Variants in KDM2A observed in about 807,000 individuals in gnomAD.
The protein encoded by KDM2A is lysine demethylase 2A.
KDM2A carries 3 observed loss-of-function variants against 137.3 expected under a neutral mutation model. The observed-to-expected ratio is 0.02, with a 90% confidence interval of 0.01 to 0.06. KDM2A has a LOEUF of 0.06. Among genes scored for constraint, KDM2A ranks in the 10% least tolerant of loss-of-function variants. KDM2A has a pLI of 1.00. For missense variants in KDM2A, 738 were observed against 1,510.6 expected (o/e 0.49, Z 8.48); for synonymous variants, 512 against 541.5 (o/e 0.95, Z 0.76).
chr11:67,214,787 G>A (rs1373802863), intron 6 of KDM2A, among the ~76,000 whole-genome samples: 1 of 152,184 alleles, frequency 6.6e-6, no homozygotes, highest in African/African-American at 2.4e-5. Flanking sequence ...TAGTTTTATA[G>A]ATGAGTTTGA....
At position 67,200,463 on chromosome 11, in the gene KDM2A, C is replaced by T. The variant is rs975762388; in HGVS notation, c.308-7047C>T. On this transcript the variant is annotated intron_variant, in intron 5 of 20. Transcript: ENST00000529006. ...CGATCTCCTCACCTCATGATCCGCCCGCCTCAGCCTCCCAAAGTGCTGGGA... is the reference window on the plus strand; with the variant it reads ...CGATCTCCTCACCTCATGATCCGCCTGCCTCAGCCTCCCAAAGTGCTGGGA... Among the ~76,000 whole-genome samples the T allele has an allele frequency of 6.6e-5, 10 of 152,128 alleles. No homozygotes were observed. The East Asian group carries it at 9.6e-4, about 15-fold the overall frequency.
At position 67,250,595 on chromosome 11, in the gene KDM2A, AGAGGAGGAGGAAGAGGAGGAG is replaced by A. The variant is rs1203766871; in HGVS notation, c.2580_2600del (p.Glu860_Glu866del). 2.5e-6 allele frequency: 4 copies of A among 1,611,238 alleles called. No homozygotes were observed. In the Admixed American group the frequency reaches 5.0e-5, roughly 20 times the overall value. On this transcript the variant is annotated inframe_deletion, in exon 17 of 21. Transcript: ENST00000529006. This position sits in a 1 kb window ranked among gnomAD's most constrained non-coding sequence, Gnocchi z 7.1. ...GTGGGGATGAGGAGGGGCTGGGGGG[AGAGGAGGAGGAAGAGGAGGAG>A]GAGGAGGAGGAAGATGACAGTGCAG...
At chr11:67,180,044 G>A (rs763966432) in intron 2 of KDM2A, 35 bp from the exon 3 acceptor site, 2 of 1,588,652 alleles carry the variant, frequency 1.3e-6, no homozygotes, top group South Asian at 2.3e-5. Flanking sequence ...ATGAAAAAGT[G>A]CATGATTTCA....
chr11:67,215,175 GC>G (rs1185038759), intron 6 of KDM2A, among the ~76,000 whole-genome samples, 164 bp from the exon 7 acceptor site: 1 of 152,092 alleles, frequency 6.6e-6, no homozygotes, highest in Admixed American at 6.6e-5. Flanking sequence ...TAGGATGGTT[GC>G]CTAGTAATCC....
At position 67,191,590 on chromosome 11, in the gene KDM2A, T is replaced by G. The variant is rs542087964; in HGVS notation, c.307+9698T>G. On this transcript the variant is annotated intron_variant, in intron 5 of 20. Transcript: ENST00000529006. ...ATTAACAGTGAAGGAGGAAAAAAGT[T>G]ACATGATCATCTCAATTGACACAGA... Among the ~76,000 whole-genome samples, 4 of 152,324 alleles carry G rather than the reference T, an allele frequency of 2.6e-5. 1 individual carries two copies. In the South Asian group the frequency reaches 8.3e-4, roughly 32 times the overall value.
chr11:67,224,362 T>TTTTGGGAG (rs1858463281), intron 10 of KDM2A, among the ~76,000 whole-genome samples: 1 of 152,078 alleles, frequency 6.6e-6, no homozygotes, highest in Non-Finnish European at 1.5e-5. Flanking sequence ...CCCAAGTACT[T>TTTTGGGAG]TTTGGGAGTT....
At chr11:67,182,535 T>C (rs1857113398) in intron 5 of KDM2A, among the ~76,000 whole-genome samples, 2 of 148,194 alleles carry the variant, frequency 1.3e-5, no homozygotes, top group Non-Finnish European at 3.0e-5. Context: ...TAAGTCTTTT[T>C]TTTTTTTTTT....
At chr11:67,199,759 A>G (rs1157225281) in intron 5 of KDM2A, among the ~76,000 whole-genome samples, 1 of 152,258 alleles carries the variant, frequency 6.6e-6, no homozygotes, top group Non-Finnish European at 1.5e-5. Context: ...GTTATCCAGG[A>G]GAACCAGCTA....
chr11:67,203,196 T>C (rs1857692233), intron 5 of KDM2A, among the ~76,000 whole-genome samples: 1 of 152,044 alleles, frequency 6.6e-6, no homozygotes, highest in Non-Finnish European at 1.5e-5. Flanking sequence ...AGCAATAAAG[T>C]ATTTTTAAAT....
At chr11:67,244,156 G>A (rs1243392325) in intron 13 of KDM2A, among the ~76,000 whole-genome samples, 1 of 152,178 alleles carries the variant, frequency 6.6e-6, no homozygotes, top group Admixed American at 6.5e-5. Flanking sequence ...TTGGCCACAG[G>A]TGACTGCCTT....
chr11:67,245,923 G>C lies in KDM2A; in HGVS notation c.1834-62G>C, dbSNP rs1051490528. The C allele has an allele frequency of 5.1e-6, 8 of 1,583,494 alleles. No homozygotes were observed. Among genetic ancestry groups the C allele is most frequent in the Admixed American group, 3.4e-5 (2 of 58,870 alleles). On this transcript the variant is annotated intron_variant, in intron 14 of 20. Coordinates refer to ENST00000529006, the MANE Select transcript of KDM2A (RefSeq NM_012308.3). This position sits in a 1 kb window ranked among gnomAD's most constrained non-coding sequence, Gnocchi z 4.1. ...CCAAATCTCCCATCTTCAGTTTAAG[G>C]GAAACTGAAATGATAAAGATCTGAG...
chr11:67,138,620 A>T (rs1308691615), intron 2 of KDM2A, among the ~76,000 whole-genome samples: 1 of 152,188 alleles, frequency 6.6e-6, no homozygotes, highest in Non-Finnish European at 1.5e-5. Flanking sequence ...ATGTCTACCA[A>T]AAACACAAAA....
chr11:67,125,649 C>T (rs1197208594), intron 2 of KDM2A, among the ~76,000 whole-genome samples: 2 of 151,492 alleles, frequency 1.3e-5, no homozygotes, highest in Non-Finnish European at 1.5e-5. Flanking sequence ...GGTGGTGGTG[C>T]GTGCCTGTAA....
At chr11:67,188,790 CAAAAA>C (rs1207477143) in intron 5 of KDM2A, among the ~76,000 whole-genome samples, 1 of 73,786 alleles carries the variant, frequency 1.4e-5, no homozygotes, top group Non-Finnish European at 3.1e-5. Context: ...GACACTGTCT[CAAAAA>C]AAAAAAAAAA....
intron 5 of KDM2A, among the ~76,000 whole-genome samples, chr11:67,184,666 C>T (rs1276229887): frequency 6.6e-6 from 1 of 152,052 alleles, no homozygotes; most frequent in Non-Finnish European, 1.5e-5. Context: ...CCACACCCAC[C>T]CCCATTTTAG....
intron 2 of KDM2A, among the ~76,000 whole-genome samples, chr11:67,150,331 T>C (rs1856356973): frequency 6.6e-6 from 1 of 152,190 alleles, no homozygotes; most frequent in Non-Finnish European, 1.5e-5. Flanking sequence ...TTTTCTTTTC[T>C]CAAAAATGTG....
chr11:67,151,648 G>A (rs1378393476), intron 2 of KDM2A, among the ~76,000 whole-genome samples: 3 of 152,072 alleles, frequency 2.0e-5, no homozygotes, highest in Admixed American at 6.6e-5. Context: ...CACTGGACCC[G>A]GCCTCAAATC....
At chr11:67,240,384 C>T in intron 12 of KDM2A, 1 of 1,532,184 alleles carries the variant, frequency 6.5e-7, no homozygotes, top group African/African-American at 1.4e-5. Flanking sequence ...GGGGGTCGAT[C>T]GGCAAACCCT....
At chr11:67,179,522 C>T (rs890590342) in intron 2 of KDM2A, among the ~76,000 whole-genome samples, 1 of 152,172 alleles carries the variant, frequency 6.6e-6, no homozygotes, top group Non-Finnish European at 1.5e-5. Flanking sequence ...TCAGGTGATC[C>T]GCCTGCCTCT....
Sources: allele counts gnomAD v4.1 joint callset (sites outside exome capture counted in the v4.1 genomes callset), GRCh38; gene constraint gnomAD v4.1.1; non-coding constraint Gnocchi (gnomAD v3.1); transcripts MANE v1.5; gene names NCBI Gene and HGNC (gene_info 2026-07-23, HGNC 2026-07-21).